TBC1D19: variants seen among roughly 807,000 people sequenced by gnomAD.
The protein encoded by TBC1D19 is TBC1 domain family, member 19.
In TBC1D19, 60 loss-of-function variants were observed where a neutral mutation model predicts 89.0. The ratio of observed to expected loss-of-function variants is 0.67; its 90% CI spans 0.55 to 0.84. The LOEUF is 0.84. Among genes scored for constraint, TBC1D19 ranks in the 40% least tolerant of loss-of-function variants. The pLI is 0.00. For missense variants in TBC1D19, 500 were observed against 610.8 expected (o/e 0.82, Z 1.91); for synonymous variants, 189 against 199.7 (o/e 0.95, Z 0.45).
At chr4:26,822,863 G>A in the TBC1D19 span, among the ~76,000 whole-genome samples, 1 of 152,150 alleles carries the variant, frequency 6.6e-6, no homozygotes, top group Non-Finnish European at 1.5e-5. Context: ...ATAGACATTT[G>A]CTGGTTACCT....
upstream of TBC1D19, among the ~76,000 whole-genome samples, chr4:26,579,669 C>T (rs1452081716): frequency 7.1e-6 from 1 of 140,178 alleles, no homozygotes; most frequent in African/African-American, 2.6e-5. Flanking sequence ...TAACCCCCAA[C>T]CCCCAACAGG....
At chr4:26,833,970 T>A in the TBC1D19 span, among the ~76,000 whole-genome samples, 2 of 152,194 alleles carry the variant, frequency 1.3e-5, no homozygotes, top group Non-Finnish European at 2.9e-5. Flanking sequence ...TCCCCGATGT[T>A]GGAGGAAGGG....
At chr4:26,620,581 T>A in intron 3 of TBC1D19, 32 bp from the exon 4 acceptor site, 1 of 1,580,612 alleles carries the variant, frequency 6.3e-7, no homozygotes, top group Non-Finnish European at 8.7e-7. Flanking sequence ...GAGAATAATG[T>A]GTGATATTTA....
chr4:26,692,455 C>T (rs1577940878), intron 13 of TBC1D19, among the ~76,000 whole-genome samples: 2 of 152,296 alleles, frequency 1.3e-5, no homozygotes, highest in African/African-American at 2.4e-5. Flanking sequence ...CTACCACCCT[C>T]ACCAGTGTCT....
At chr4:26,823,179 C>G in the TBC1D19 span, among the ~76,000 whole-genome samples, 1 of 152,186 alleles carries the variant, frequency 6.6e-6, no homozygotes, top group Non-Finnish European at 1.5e-5. Context: ...ACAGAGAGAG[C>G]TTGTGCAGGA....
chr4:26,766,414 A>G, the TBC1D19 span, among the ~76,000 whole-genome samples: 3 of 152,180 alleles, frequency 2.0e-5, no homozygotes. Flanking sequence ...GAGAATAGGA[A>G]CAATACCTTG....
At chr4:26,613,300 A>C in intron 2 of TBC1D19, 59 bp downstream of exon 2, 1 of 1,131,786 alleles carries the variant, frequency 8.8e-7, no homozygotes, top group African/African-American at 1.6e-5. Context: ...ATTTATTCCT[A>C]ATTCTTTAAG....
At chr4:26,821,609 T>C in the TBC1D19 span, among the ~76,000 whole-genome samples, 1 of 152,232 alleles carries the variant, frequency 6.6e-6, no homozygotes, top group Non-Finnish European at 1.5e-5. Context: ...ATTAGGCAGA[T>C]AAAATAGTCC....
the TBC1D19 span, among the ~76,000 whole-genome samples, chr4:26,841,110 C>T: frequency 9.8e-4 from 150 of 152,328 alleles, 1 homozygote; most frequent in African/African-American, 3.3e-3. Context: ...GATACAGTGG[C>T]TCATGCCTGT....
At chr4:26,647,135 T>G (rs1368632528) in intron 7 of TBC1D19, among the ~76,000 whole-genome samples, 1 of 152,098 alleles carries the variant, frequency 6.6e-6, no homozygotes, top group African/African-American at 2.4e-5. Flanking sequence ...TAAGGATGAT[T>G]TGGGAACTGA....
chr4:26,662,849 T>C (rs1486638417), intron 8 of TBC1D19: 1 of 152,154 alleles, frequency 6.6e-6, no homozygotes, highest in Non-Finnish European at 1.5e-5. Context: ...ATCTAAAATA[T>C]TTACTCTTAT....
chr4:26,594,914 G>A (rs1272967500), intron 1 of TBC1D19, among the ~76,000 whole-genome samples: 2 of 152,178 alleles, frequency 1.3e-5, no homozygotes, highest in East Asian at 3.8e-4. Context: ...TCATGTGTAG[G>A]TTTTTCTGTG....
chr4:26,651,402 T>C lies in TBC1D19; in HGVS notation c.481-8195T>C, dbSNP rs1363682605. The stretch of plus-strand genomic sequence containing the variant: ...CCTCTTTTATTTCATTGAGCAGTGG[T>C]TTGTAGTTCTCCTTCAAGAGGTCCT... On this transcript the variant is annotated intron_variant, in intron 7 of 20. Transcript: ENST00000264866. Among the ~76,000 whole-genome samples, 10 of 152,304 alleles carry C rather than the reference T, an allele frequency of 6.6e-5. No individual in the cohort carries two copies. The East Asian group carries it at 1.2e-3, about 18-fold the overall frequency.
the TBC1D19 span, among the ~76,000 whole-genome samples, chr4:26,827,001 G>A: frequency 1.3e-5 from 2 of 152,128 alleles, no homozygotes; most frequent in Non-Finnish European, 2.9e-5. Context: ...TCCTCAGGAG[G>A]TTTCACTACC....
chr4:26,674,195 T>C (rs909736760), intron 11 of TBC1D19, among the ~76,000 whole-genome samples: 1 of 152,110 alleles, frequency 6.6e-6, no homozygotes, highest in Non-Finnish European at 1.5e-5. Flanking sequence ...AGATGTGTGG[T>C]TGAATACGGA....
At chr4:26,834,809 T>C in the TBC1D19 span, among the ~76,000 whole-genome samples, 1 of 152,216 alleles carries the variant, frequency 6.6e-6, no homozygotes, top group African/African-American at 2.4e-5. Flanking sequence ...TCTACGTTCA[T>C]GTTTTCAATT....
chr4:26,843,716 C>A, the TBC1D19 span, among the ~76,000 whole-genome samples: 1 of 151,980 alleles, frequency 6.6e-6, no homozygotes, highest in South Asian at 2.1e-4. Flanking sequence ...AAAGGTGTAC[C>A]CTAGACCAGG....
At chr4:26,627,738 T>A (rs1003764187) in intron 4 of TBC1D19, among the ~76,000 whole-genome samples, 1 of 152,152 alleles carries the variant, frequency 6.6e-6, no homozygotes, top group African/African-American at 2.4e-5. Flanking sequence ...GATGGGGTTG[T>A]TTTTTTCTCG....
chr4:26,641,653 C>G (rs1743547341), intron 7 of TBC1D19, among the ~76,000 whole-genome samples: 1 of 152,092 alleles, frequency 6.6e-6, no homozygotes, highest in Non-Finnish European at 1.5e-5. Flanking sequence ...GATGTTCGAA[C>G]CCATCACAAG....
Sources: allele counts gnomAD v4.1 joint callset (sites outside exome capture counted in the v4.1 genomes callset), GRCh38; gene constraint gnomAD v4.1.1; transcripts MANE v1.5; gene names NCBI Gene and HGNC (gene_info 2026-07-23, HGNC 2026-07-21).